Variants in SIPA1L1 observed in about 807,000 individuals in gnomAD.
The protein encoded by SIPA1L1 is signal-induced proliferation-associated 1-like protein 1.
SIPA1L1 carries 26 observed loss-of-function variants against 162.7 expected under a neutral mutation model. The observed-to-expected ratio is 0.16, with a 90% CI of 0.12 to 0.22. The LOEUF is 0.22. Ranked by LOEUF, SIPA1L1 falls within the 10% of genes least tolerant of loss-of-function variation. The pLI is 1.00. For synonymous variants in SIPA1L1, 829 were observed against 837.4 expected, an observed-to-expected ratio of 0.99 and a Z score of 0.17; for missense variants, 1,874 against 2,241.0, an observed-to-expected ratio of 0.84 and a Z score of 3.31.
intron 2 of SIPA1L1, among the ~76,000 whole-genome samples, chr14:71,481,579 T>C (rs556790222): frequency 6.6e-6 from 1 of 152,276 alleles, no homozygotes; most frequent in African/African-American, 2.4e-5. Context: ...CTCTACTGAC[T>C]TTTTAAAAAC....
At position 71,460,008 on chromosome 14, in the gene SIPA1L1, A is replaced by G. The variant is rs545403831; in HGVS notation, c.-464-52735A>G. Among the ~76,000 whole-genome samples the G allele has an allele frequency of 1.1e-4, 16 of 152,342 alleles. No homozygotes were observed. The South Asian group carries it at 3.1e-3, about 30-fold the overall frequency. On this transcript the variant is annotated intron_variant, in intron 2 of 23. Transcript: ENST00000381232. ...AAATGTACCAATCCCCAACCCAAATACCATTACATAAAGTTAATAATACAT... is the reference window on the plus strand; with the variant it reads ...AAATGTACCAATCCCCAACCCAAATGCCATTACATAAAGTTAATAATACAT...
chr14:71,708,515 G>A (rs1194215586), intron 16 of SIPA1L1, among the ~76,000 whole-genome samples: 1 of 151,934 alleles, frequency 6.6e-6, no homozygotes, highest in Non-Finnish European at 1.5e-5. Flanking sequence ...TGTAGAAATG[G>A]GGTTTTGCTG....
At chr14:71,507,385 C>T (rs1034949923) in intron 2 of SIPA1L1, among the ~76,000 whole-genome samples, 1 of 152,090 alleles carries the variant, frequency 6.6e-6, no homozygotes, top group Non-Finnish European at 1.5e-5. Context: ...TCTTCCAAGA[C>T]CTTGATACAG....
chr14:71,674,799 C>G (rs552291396), intron 12 of SIPA1L1, among the ~76,000 whole-genome samples: 1 of 151,478 alleles, frequency 6.6e-6, no homozygotes, highest in Non-Finnish European at 1.5e-5. Flanking sequence ...CTCCTGACCT[C>G]GTGATCCGCC....
chr14:71,470,191 G>T (rs2047341665), intron 2 of SIPA1L1, among the ~76,000 whole-genome samples: 1 of 152,196 alleles, frequency 6.6e-6, no homozygotes. Context: ...GAATGTAAAT[G>T]TGAAACTGGA....
intron 2 of SIPA1L1, among the ~76,000 whole-genome samples, chr14:71,501,181 T>C (rs1595787047): frequency 6.6e-6 from 1 of 152,064 alleles, no homozygotes; most frequent in East Asian, 1.9e-4. Flanking sequence ...ATTAGCTGGG[T>C]GCAGTGGTGT....
Position 71,608,051 on chromosome 14 carries a change from A to G in SIPA1L1, c.1499-10706A>G, listed in dbSNP as rs143270401. ...AAAAAAATTTTGCTTTATTGCATCA[A>G]TTCCTTTTCCAGTCTTCTAATGGAG... On this transcript the variant is annotated intron_variant, in intron 5 of 23. Transcript: ENST00000381232. Among the ~76,000 whole-genome samples the G allele has an allele frequency of 3.8e-3, 583 of 152,272 alleles. 3 individuals carry two copies. The highest frequency in any genetic ancestry group is 6.8e-3 in the Non-Finnish European group (465 of 68,018).
intron 2 of SIPA1L1, among the ~76,000 whole-genome samples, chr14:71,447,198 G>C (rs995553403): frequency 6.6e-6 from 1 of 151,926 alleles, no homozygotes; most frequent in Non-Finnish European, 1.5e-5. Context: ...ACAGGCATGA[G>C]CCACCACGCT....
At chr14:71,592,346 A>C (rs1444117614) in intron 5 of SIPA1L1, among the ~76,000 whole-genome samples, 1 of 152,176 alleles carries the variant, frequency 6.6e-6, no homozygotes, top group Non-Finnish European at 1.5e-5. Flanking sequence ...CATTTTAAAA[A>C]TTGTTGTTTA....
At chr14:71,604,620 C>T (rs184646133) in intron 5 of SIPA1L1, among the ~76,000 whole-genome samples, 2 of 152,202 alleles carry the variant, frequency 1.3e-5, no homozygotes, top group East Asian at 3.9e-4. Context: ...ACTCTTTTTC[C>T]TTCATTTATG....
intron 2 of SIPA1L1, among the ~76,000 whole-genome samples, chr14:71,352,328 C>T (rs113459466): frequency 0.018 from 2,681 of 151,954 alleles, 32 homozygotes; most frequent in African/African-American, 0.026. Flanking sequence ...TGAATTTCTG[C>T]GAAGTGAATA....
rs78841753 is a variant in SIPA1L1 at position 71,351,251 on chromosome 14, T to C, written c.-465+30070T>C. Among the ~76,000 whole-genome samples the C allele has an allele frequency of 5.6e-4, 85 of 152,196 alleles. No individual in the cohort carries two copies. In the East Asian group the frequency reaches 0.014, roughly 25 times the overall value. ...GAGAGGGTGATTAAGAAAAAATGCC[T>C]AAAAAGTCTCTTTAGGGGTGCAGTG... On this transcript the variant is annotated intron_variant, in intron 2 of 23. Coordinates refer to ENST00000381232, the MANE Select transcript of SIPA1L1 (RefSeq NM_001386936.1).
chr14:71,359,500 A>G (rs1045000904), intron 2 of SIPA1L1, among the ~76,000 whole-genome samples: 11 of 152,328 alleles, frequency 7.2e-5, no homozygotes, highest in African/African-American at 2.4e-4. Context: ...GAGCATATGA[A>G]GGCAGGGACT....
chr14:71,589,392 C>T (rs1355107569), intron 5 of SIPA1L1, 22 bp downstream of exon 5: 1 of 1,482,774 alleles, frequency 6.7e-7, no homozygotes, highest in East Asian at 2.3e-5. Context: ...TCCTTTATTT[C>T]TTACATTTTC....
chr14:71,717,452 GTTA>G (rs2083360357), intron 17 of SIPA1L1, among the ~76,000 whole-genome samples: 1 of 152,168 alleles, frequency 6.6e-6, no homozygotes, highest in South Asian at 2.1e-4. Flanking sequence ...ACATATTGCA[GTTA>G]TTATTTCCTG....
chr14:71,676,254 T>C (rs2045163142), intron 12 of SIPA1L1, among the ~76,000 whole-genome samples: 1 of 151,460 alleles, frequency 6.6e-6, no homozygotes, highest in African/African-American at 2.4e-5. Context: ...ATCGTGCCAT[T>C]GCACTCCAGC....
intron 12 of SIPA1L1, among the ~76,000 whole-genome samples, chr14:71,683,137 C>T (rs1310605280): frequency 6.6e-6 from 1 of 152,178 alleles, no homozygotes; most frequent in African/African-American, 2.4e-5. Flanking sequence ...CTAGGCGACA[C>T]AGCAAGACCT....
At chr14:71,459,973 G>A (rs916255560) in intron 2 of SIPA1L1, among the ~76,000 whole-genome samples, 4 of 152,086 alleles carry the variant, frequency 2.6e-5, no homozygotes, top group Non-Finnish European at 4.4e-5. Context: ...ACTGTCTTTT[G>A]TACAACTGGA....
At chr14:71,560,562 A>G (rs977619198) in intron 4 of SIPA1L1, among the ~76,000 whole-genome samples, 1 of 152,202 alleles carries the variant, frequency 6.6e-6, no homozygotes. Context: ...GTCCTGATTT[A>G]GGACTAATCT....
Sources: gnomAD v4.1 joint callset for allele counts (sites outside exome capture counted in the v4.1 genomes callset) on GRCh38, gnomAD v4.1.1 for gene constraint, MANE v1.5 for transcripts, NCBI Gene and HGNC (gene_info 2026-07-23, HGNC 2026-07-21) for gene names.